ARHGAP8: variants seen among roughly 807,000 people sequenced by gnomAD.
ARHGAP8 encodes Rho GTPase activating protein 8, also known as rho GTPase-activating protein 8.
A neutral mutation model predicts 46.1 loss-of-function variants in ARHGAP8; 62 were observed. The ratio of observed to expected loss-of-function variants is 1.34; its 90% confidence interval spans 1.10 to 1.66. ARHGAP8 has a LOEUF of 1.66. Among genes scored for constraint, ARHGAP8 ranks in the 40% most tolerant of loss-of-function variants. ARHGAP8 has a pLI of 0.00. For synonymous variants in ARHGAP8, 375 were observed against 243.1 expected (o/e 1.54, Z -5.05); for missense variants, 923 against 568.4 (o/e 1.62, Z -6.34).
chr22:44,794,202 A>G (rs1042537225), intron 2 of ARHGAP8, among the ~76,000 whole-genome samples: 1 of 152,218 alleles, frequency 6.6e-6, no homozygotes, highest in African/African-American at 2.4e-5. Flanking sequence ...AACAGCTCAC[A>G]GTGCACTTAC....
At chr22:44,821,006 G>A (rs938921999) in intron 5 of ARHGAP8, among the ~76,000 whole-genome samples, 6 of 152,240 alleles carry the variant, frequency 3.9e-5, no homozygotes, top group South Asian at 4.2e-4. Flanking sequence ...CAAAATAAAC[G>A]ACATTGAAAA....
rs1225731796 is a variant in ARHGAP8 at position 44,837,182 on chromosome 22, G to GC, written c.597-8083dup. 1.3e-5 allele frequency among the ~76,000 whole-genome samples: 2 copies of GC among 152,250 alleles called. 1 individual carries two copies. Among genetic ancestry groups the GC allele is most frequent in the African/African-American group, 4.8e-5 (2 of 41,464 alleles). Reference sequence around the variant, plus strand: ...TTACAGGCGTGAGCCACTGCACCCAGCCCCTACTGTTTTTAATTAGTCACA... The same window carrying GC: ...TTACAGGCGTGAGCCACTGCACCCAGCCCCCTACTGTTTTTAATTAGTCACA... On this transcript the variant is annotated intron_variant, in intron 7 of 11. Transcript: ENST00000356099.
intron 2 of ARHGAP8, among the ~76,000 whole-genome samples, chr22:44,788,059 AT>A (rs925193645): frequency 3.5e-4 from 52 of 148,606 alleles, no homozygotes; most frequent in African/African-American, 1.3e-3. Context: ...GGAAATATAT[AT>A]TTTTAATTTA....
At chr22:44,815,037 G>A (rs995335837) in intron 5 of ARHGAP8, among the ~76,000 whole-genome samples, 1 of 152,162 alleles carries the variant, frequency 6.6e-6, no homozygotes, top group African/African-American at 2.4e-5. Context: ...CCACCCTCAG[G>A]TGCCGTGATT....
At chr22:44,854,254 T>TTTTTTTA (rs2070167745) in intron 10 of ARHGAP8, among the ~76,000 whole-genome samples, 1 of 150,420 alleles carries the variant, frequency 6.6e-6, no homozygotes, top group African/African-American at 2.4e-5. Flanking sequence ...TTTTTTTTTT[T>TTTTTTTA]GAGACGGAGT....
chr22:44,826,545 C>T (rs964315056), intron 7 of ARHGAP8, among the ~76,000 whole-genome samples: 3 of 152,272 alleles, frequency 2.0e-5, no homozygotes, highest in African/African-American at 4.8e-5. Flanking sequence ...CTGCCTTAGC[C>T]TCCTGAGTAG....
rs187642774 is a variant in ARHGAP8, at chr22:44,822,837, G to A, written c.485+368G>A. ...TGGATAACGCTGTGTACAGAATGAA[G>A]TGTTCTCAGGGACGTCACGGGTGCT... On this transcript the variant is annotated intron_variant, in intron 6 of 11. Transcript: ENST00000356099. Among the ~76,000 whole-genome samples the A allele has an allele frequency of 2.8e-3, 424 of 152,342 alleles. 3 individuals carry two copies. Among genetic ancestry groups the A allele is most frequent in the African/African-American group, 9.6e-3 (399 of 41,574 alleles).
chr22:44,860,059 C>G (rs1489097177), intron 11 of ARHGAP8, among the ~76,000 whole-genome samples: 3 of 151,806 alleles, frequency 2.0e-5, no homozygotes, highest in Non-Finnish European at 4.4e-5. Flanking sequence ...CCCCTGCCTG[C>G]TCCTGTACCT....
At position 44,825,541 on chromosome 22, in the gene ARHGAP8, C is replaced by T. The variant is rs953896160; in HGVS notation, c.544C>T (p.Pro182Ser). The T allele has an allele frequency of 1.2e-6, 2 of 1,613,552 alleles. No homozygotes were observed. The highest frequency in any genetic ancestry group is 1.7e-6 in the Non-Finnish European group (2 of 1,179,876). ...CCGGACGCCGCCTCCCACCAAGACA[C>T]CACCGCCGCGGCCCCCGCTGCCCAC... ...EGRTPPPTKT[P>S]PPRPPLPTQQ... Residue 182 changes from proline (P) to serine (S), a missense_variant, in exon 7 of 12, where the codon CCA (proline) becomes TCA (serine). Physicochemically the swap from Pro to Ser is moderately conservative, Grantham distance 74. Coordinates refer to ENST00000356099, the MANE Select transcript of ARHGAP8 (RefSeq NM_181335.3).
rs148595317 is a variant in ARHGAP8 at position 44,838,992 on chromosome 22, A to G, written c.597-6277A>G. Among the ~76,000 whole-genome samples the G allele has an allele frequency of 8.2e-3, 1,254 of 152,306 alleles. 7 individuals carry two copies. Among genetic ancestry groups the G allele is most frequent in the Middle Eastern group, 0.02 (6 of 294 alleles). ...TGGAGAAACTGAAGCTGGAGAGGAT[A>G]AGGAAACTGGCCGGTGGTGATCTAG... On this transcript the variant is annotated intron_variant, in intron 7 of 11. Coordinates refer to ENST00000356099, the MANE Select transcript of ARHGAP8 (RefSeq NM_181335.3).
At chr22:44,846,638 T>G (rs969342445) in intron 8 of ARHGAP8, among the ~76,000 whole-genome samples, 2 of 152,142 alleles carry the variant, frequency 1.3e-5, no homozygotes, top group African/African-American at 4.8e-5. Context: ...GGTTAGGTCC[T>G]GCTTTCCGGA....
intron 10 of ARHGAP8, chr22:44,849,261 C>G: frequency 9.7e-7 from 1 of 1,027,868 alleles, no homozygotes; most frequent in South Asian, 1.7e-5. Context: ...TGTCCAAAGG[C>G]AGAGGAGGTG....
chr22:44,805,549 G>T (rs1305842501), intron 3 of ARHGAP8, among the ~76,000 whole-genome samples: 1 of 150,400 alleles, frequency 6.6e-6, no homozygotes, highest in East Asian at 2.0e-4. Flanking sequence ...TTACTATTAG[G>T]TGGAAGTAGT....
chr22:44,792,936 G>C (rs1017340410), intron 2 of ARHGAP8, among the ~76,000 whole-genome samples: 3 of 151,682 alleles, frequency 2.0e-5, no homozygotes, highest in Non-Finnish European at 4.4e-5. Flanking sequence ...TGATTCTCCT[G>C]CCTCAGCCTC....
At chr22:44,795,585 G>A (rs898018226) in intron 2 of ARHGAP8, among the ~76,000 whole-genome samples, 9 of 151,966 alleles carry the variant, frequency 5.9e-5, no homozygotes, top group Non-Finnish European at 1.0e-4. Flanking sequence ...GGCAGGCCAC[G>A]AGCCCTCCCC....
intron 11 of ARHGAP8, among the ~76,000 whole-genome samples, chr22:44,860,899 A>C (rs1253896142): frequency 1.3e-5 from 2 of 152,198 alleles, no homozygotes; most frequent in South Asian, 2.1e-4. Context: ...TAGGCGTCAC[A>C]TCCCAGAGTC....
Position 44,857,939 on chromosome 22 carries a change from G to C in ARHGAP8, c.878-1792G>C, listed in dbSNP as rs2070279866. On this transcript the variant is annotated intron_variant, in intron 10 of 11. Transcript: ENST00000356099. The stretch of plus-strand genomic sequence containing the variant: ...TACTTGCCAGCAGGTATTCTCAGAG[G>C]GACCACAGAGCTGAGGGTGACCTGC... Among the ~76,000 whole-genome samples, 3 of 37,966 alleles carry C rather than the reference G, an allele frequency of 7.9e-5. No individual in the cohort carries two copies. In the South Asian group the frequency reaches 1.3e-3, roughly 17 times the overall value. 24.9% of individuals were successfully genotyped at this position (37,966 alleles called of 152,430 possible).
Position 44,862,757 on chromosome 22 carries a change from T to TCCAAAACTCCATG in ARHGAP8, c.*164_*165insAAAACTCCATGCC. The TCCAAAACTCCATG allele has an allele frequency of 1.2e-4, 107 of 864,494 alleles. No homozygotes were observed. The highest frequency in any genetic ancestry group is 1.7e-4 in the Non-Finnish European group (100 of 594,160). The allele number at this position is 864,494 out of a possible 1,614,324, so 53.6% of individuals were successfully genotyped here. A position where few individuals can be genotyped will look rare whatever the true frequency, so the allele number is the denominator to read the frequency against. Reference sequence around the variant, plus strand: ...TGGTCCTTGGACTCTTGTCCATGGTTCCTGAGCTGTGGACCGGGATAGAAT... The same window carrying TCCAAAACTCCATG: ...TGGTCCTTGGACTCTTGTCCATGGTTCCAAAACTCCATGCCTGAGCTGTGGACCGGGATAGAAT... On this transcript the variant is annotated 3_prime_UTR_variant, in exon 12 of 12. Coordinates refer to ENST00000356099, the MANE Select transcript of ARHGAP8 (RefSeq NM_181335.3).
Position 44,849,372 on chromosome 22 carries a change from A to G in ARHGAP8, c.877+312A>G, listed in dbSNP as rs577882957. 1.6e-5 allele frequency: 6 copies of G among 380,832 alleles called. No homozygotes were observed. In the East Asian group the frequency reaches 2.9e-4, roughly 18 times the overall value. The allele number at this position is 380,832 out of a possible 1,614,324, so 23.6% of individuals were successfully genotyped here. A position where few individuals can be genotyped will look rare whatever the true frequency, so the allele number is the denominator to read the frequency against. On this transcript the variant is annotated intron_variant, in intron 10 of 11. Transcript: ENST00000356099. ...GATTTGGGGCTCATCATCCTGGTCA[A>G]AGTCCTGCCTGTAACCGCTCCCAGG...
Sources: allele counts gnomAD v4.1 joint callset (sites outside exome capture counted in the v4.1 genomes callset), GRCh38; gene constraint gnomAD v4.1.1; transcripts MANE v1.5; gene names NCBI Gene and HGNC (gene_info 2026-07-23, HGNC 2026-07-21).